The following ZNF593OS variants were observed in gnomAD, a reference collection of about 807,000 sequenced individuals.
ZNF593OS encodes the protein ZNF593 opposite strand.
chr1:26,170,974 C>T (rs1332481508), exon 2 of ZNF593OS: 1 of 579,280 alleles, frequency 1.7e-6, no homozygotes, highest in African/African-American at 1.9e-5. Context: ...GTCTACTCCC[C>T]ACTTGGTCTA....
downstream of ZNF593OS, chr1:26,169,673 G>C (rs986137491): frequency 8.7e-6 from 4 of 462,416 alleles, no homozygotes; most frequent in South Asian, 3.2e-5. Flanking sequence ...AGGCCAGGAA[G>C]AGCAGGGCAG....
chr1:26,169,680 G>T, downstream of ZNF593OS: 1 of 471,148 alleles, frequency 2.1e-6, no homozygotes, highest in Non-Finnish European at 3.7e-6. Flanking sequence ...GAAGAGCAGG[G>T]CAGCAAGACG....
Position 26,170,652 on chromosome 1 carries a change from C to G in ZNF593OS, c.*537G>C, listed in dbSNP as rs776141058. On this transcript the variant is annotated 3_prime_UTR_variant, in exon 2 of 2. Transcript: ENST00000648649. The stretch of plus-strand genomic sequence containing the variant: ...GCGGGTATGGGATCCTATGTGCCCC[C>G]CAGGCGGCTGGCAGTGCCCACGGAA... 1.9e-6 allele frequency: 3 copies of G among 1,612,518 alleles called. No individual in the cohort carries two copies. The Admixed American group carries it at 5.0e-5, about 27-fold the overall frequency.
At chr1:26,170,706 C>A in exon 2 of ZNF593OS, 1 of 1,605,998 alleles carries the variant, frequency 6.2e-7, no homozygotes, top group African/African-American at 1.3e-5. Context: ...GAGATGGATA[C>A]CTCTACCTGA....
At chr1:26,170,517 C>T (rs759187429) in exon 2 of ZNF593OS, 1 of 1,614,152 alleles carries the variant, frequency 6.2e-7, no homozygotes, top group East Asian at 2.2e-5. Flanking sequence ...TGGATGGGTG[C>T]TCAGCAGATA....
downstream of ZNF593OS, chr1:26,169,897 C>G (rs2088466454): frequency 2.1e-5 from 28 of 1,359,632 alleles, no homozygotes; most frequent in Middle Eastern, 2.5e-4. Context: ...CCGGCGTGGC[C>G]TGACGTAGCT....
chr1:26,170,294 G>A, downstream of ZNF593OS: 1 of 1,530,510 alleles, frequency 6.5e-7, no homozygotes, highest in Non-Finnish European at 8.8e-7. Flanking sequence ...GGGACCCGTG[G>A]GTCCGCCCGC....
chr1:26,170,522 C>A (rs1414537040), exon 2 of ZNF593OS: 1 of 1,614,158 alleles, frequency 6.2e-7, no homozygotes, highest in African/African-American at 1.3e-5. Context: ...GGGTGCTCAG[C>A]AGATAGGGCT....
chr1:26,169,855 C>T (rs1339385455), downstream of ZNF593OS: 55 of 1,022,286 alleles, frequency 5.4e-5, 1 homozygote, highest in South Asian at 8.3e-4. Flanking sequence ...GTGACGTCAT[C>T]AGAGGCGGTC....
chr1:26,170,386 CCTCACTCTCCTT>C (rs1349342212), downstream of ZNF593OS: 12 of 1,601,120 alleles, frequency 7.5e-6, no homozygotes, highest in Admixed American at 5.0e-5. Flanking sequence ...ACTATCACCT[CCTCACTCTCCTT>C]CTCACTTCCA....
chr1:26,170,192 C>T (rs778492829), downstream of ZNF593OS: 10 of 1,572,578 alleles, frequency 6.4e-6, no homozygotes, highest in East Asian at 2.1e-4. Context: ...GCGTGAGTCC[C>T]GGACGAGCCC....
chr1:26,170,379 A>T, downstream of ZNF593OS: 1 of 1,595,132 alleles, frequency 6.3e-7, no homozygotes. Context: ...TTGGGAGACT[A>T]TCACCTCCTC....
chr1:26,170,594 G>C, exon 2 of ZNF593OS: 2 of 1,613,738 alleles, frequency 1.2e-6, no homozygotes, highest in Non-Finnish European at 1.7e-6. Flanking sequence ...GCTGAGCGTC[G>C]AGCCCTACAG....
downstream of ZNF593OS, chr1:26,169,939 C>A (rs966025374): frequency 2.0e-6 from 3 of 1,505,004 alleles, no homozygotes; most frequent in Non-Finnish European, 2.7e-6. Flanking sequence ...ACGTGTGCTC[C>A]CTGCCCTGCT....
At chr1:26,169,585 C>T (rs79554060), downstream of ZNF593OS, 18 of 230,958 alleles carry the variant, frequency 7.8e-5, no homozygotes, top group African/African-American at 4.1e-4. Context: ...AAGCATCCCA[C>T]CCCCACCGCG....
chr1:26,170,852 T>C, exon 2 of ZNF593OS: 1 of 1,095,596 alleles, frequency 9.1e-7, no homozygotes. Flanking sequence ...CTGCCCCAAA[T>C]AAAGGAACTG....
rs1372496280 is a variant in ZNF593OS at position 26,171,797 on chromosome 1, CAG to C, written c.-138_-137del. ...TCCACATACGCAAGACCCAAGCTCT[CAG>C]AGGATGCTCACCCGCGCCTGCCTGC... On this transcript the variant is annotated 5_prime_UTR_variant, in exon 1 of 2. Transcript: ENST00000648649. This position sits in a 1 kb window ranked among gnomAD's most constrained non-coding sequence, Gnocchi z 5.5. 4 of 396,638 alleles carry C rather than the reference CAG, an allele frequency of 1.0e-5. No individual in the cohort carries two copies. The highest frequency in any genetic ancestry group is 1.8e-5 in the Non-Finnish European group (4 of 225,216). 24.6% of individuals were successfully genotyped at this position (396,638 alleles called of 1,614,324 possible). A position where few individuals can be genotyped will look rare whatever the true frequency, so the allele number is the denominator to read the frequency against.
At chr1:26,170,542 T>G in exon 2 of ZNF593OS, 2 of 1,614,086 alleles carry the variant, frequency 1.2e-6, no homozygotes, top group Non-Finnish European at 1.7e-6. Flanking sequence ...TCTCACCTGG[T>G]CAGCTCCCAA....
chr1:26,169,769 C>T (rs1461424744), downstream of ZNF593OS: 1 of 564,234 alleles, frequency 1.8e-6, no homozygotes, highest in Non-Finnish European at 3.0e-6. Context: ...TCAGTGGGCA[C>T]ACTTCTGGGA....
Sources: gnomAD v4.1 joint callset for allele counts on GRCh38, gnomAD v4.1.1 for gene constraint, Gnocchi (gnomAD v3.1) non-coding constraint, MANE v1.5 for transcripts, NCBI Gene and HGNC (gene_info 2026-07-23, HGNC 2026-07-21) for gene names.